PCSK2: variants seen among roughly 807,000 people sequenced by gnomAD.
PCSK2 encodes neuroendocrine convertase 2.
In PCSK2, 14 loss-of-function variants were observed where a neutral mutation model predicts 69.7. That is an observed-to-expected ratio of 0.20 (90% CI 0.13 to 0.31). The LOEUF is 0.31. Among genes scored for constraint, PCSK2 ranks in the 10% least tolerant of loss-of-function variants. The pLI is 1.00. For missense variants in PCSK2, 544 were observed against 842.5 expected (o/e 0.65, Z 4.39); for synonymous variants, 307 against 320.7 (o/e 0.96, Z 0.46).
At chr20:17,397,518 C>T (rs1192281871) in intron 5 of PCSK2, among the ~76,000 whole-genome samples, 3 of 151,216 alleles carry the variant, frequency 2.0e-5, no homozygotes, top group Non-Finnish European at 2.9e-5. Context: ...CTCACTCTGT[C>T]GCCCAGGCTG....
intron 2 of PCSK2, among the ~76,000 whole-genome samples, chr20:17,339,835 C>T (rs1011054690): frequency 1.3e-5 from 2 of 152,186 alleles, no homozygotes; most frequent in African/African-American, 2.4e-5. Flanking sequence ...AGAGTGGCCT[C>T]CTAACTATGC....
chr20:17,423,390 A>G (rs2123327560), intron 6 of PCSK2, among the ~76,000 whole-genome samples: 1 of 152,182 alleles, frequency 6.6e-6, no homozygotes, highest in African/African-American at 2.4e-5. Context: ...GTTTGTGGAG[A>G]CCAGGGTTCT....
rs1469383912 is a variant in PCSK2 at position 17,482,880 on chromosome 20, A to G, written c.*810A>G. 3 of 152,290 alleles carry G rather than the reference A, an allele frequency of 2.0e-5. No homozygotes were observed. The highest frequency in any genetic ancestry group is 2.0e-4 in the Admixed American group (3 of 15,286). 9.4% of individuals were successfully genotyped at this position (152,290 alleles called of 1,614,324 possible). ...GCCCCAATTTTCTGGGGCTCCTCAC[A>G]TAGCTACCCAAAAGAGAAAAAAAAT... On this transcript the variant is annotated 3_prime_UTR_variant, in exon 12 of 12. Transcript: ENST00000262545.
intron 6 of PCSK2, among the ~76,000 whole-genome samples, chr20:17,422,060 G>A (rs961501173): frequency 3.3e-5 from 5 of 152,040 alleles, no homozygotes; most frequent in Admixed American, 6.6e-5. Context: ...ACTAAATGAT[G>A]GTGGAAACAT....
rs541576384 is a variant in PCSK2, at chr20:17,322,624, A to T, written c.283-35703A>T. ...CTGGAGGCTGGTAGGTCTAAGATCA[A>T]GGCCAAGGCCAGCAGTTATGGGGTC... On this transcript the variant is annotated intron_variant, in intron 2 of 11. Coordinates refer to ENST00000262545, the MANE Select transcript of PCSK2 (RefSeq NM_002594.5). 1.3e-4 allele frequency among the ~76,000 whole-genome samples: 20 copies of T among 152,332 alleles called. No homozygotes were observed. The East Asian group carries it at 3.7e-3, about 28-fold the overall frequency.
intron 11 of PCSK2, among the ~76,000 whole-genome samples, chr20:17,473,969 A>G (rs2033248062): frequency 6.6e-6 from 1 of 152,196 alleles, no homozygotes; most frequent in Non-Finnish European, 1.5e-5. Flanking sequence ...GGTGCTAAAA[A>G]AGCCAGACTC....
chr20:17,326,520 A>G (rs1376338711), intron 2 of PCSK2, among the ~76,000 whole-genome samples: 2 of 152,216 alleles, frequency 1.3e-5, no homozygotes, highest in African/African-American at 2.4e-5. Context: ...AGTTGTGAGA[A>G]ATGTACCATA....
intron 2 of PCSK2, among the ~76,000 whole-genome samples, chr20:17,267,431 C>T (rs1052002773): frequency 4.6e-5 from 7 of 152,252 alleles, no homozygotes; most frequent in East Asian, 1.9e-4. Context: ...GATGCCCCAA[C>T]CTGTGGGAAA....
rs1300576104 is a variant in PCSK2 at position 17,481,905 on chromosome 20, G to A, written c.1752G>A (p.Leu584=). The part of the protein sequence containing the change: ...FVGSAPQKGV[L]KEWTLMLHGT... ...GCAGCGCCCCGCAGAAGGGGGTGCT[G>A]AAGGAGTGGACCCTGATGCTGCATG... The change falls in exon 12 of 12, where the codon CTG becomes CTA. Residue 584 remains leucine, a synonymous_variant. Transcript: ENST00000262545. 2 of 1,613,862 alleles carry A rather than the reference G, an allele frequency of 1.2e-6. No individual in the cohort carries two copies. Among genetic ancestry groups the A allele is most frequent in the Non-Finnish European group, 1.7e-6 (2 of 1,180,034 alleles).
At chr20:17,439,091 A>T (rs1433514479) in intron 8 of PCSK2, among the ~76,000 whole-genome samples, 1 of 151,984 alleles carries the variant, frequency 6.6e-6, no homozygotes, top group East Asian at 1.9e-4. Flanking sequence ...CTTAGAACTA[A>T]GTGTGTGCCT....
chr20:17,390,195 C>G (rs2031337514), intron 5 of PCSK2, among the ~76,000 whole-genome samples: 1 of 152,086 alleles, frequency 6.6e-6, no homozygotes, highest in Non-Finnish European at 1.5e-5. Flanking sequence ...AGCTCTAAAG[C>G]CGGCAGAATT....
At chr20:17,229,642 C>T (rs1568562215) in intron 1 of PCSK2, among the ~76,000 whole-genome samples, 1 of 151,978 alleles carries the variant, frequency 6.6e-6, no homozygotes, top group Non-Finnish European at 1.5e-5. Context: ...AGACCTCTCT[C>T]CTTACTTCTC....
At chr20:17,249,957 A>T (rs1986913302) in intron 1 of PCSK2, among the ~76,000 whole-genome samples, 1 of 152,186 alleles carries the variant, frequency 6.6e-6, no homozygotes. Flanking sequence ...ATATCACTGA[A>T]CTATTCACTT....
intron 11 of PCSK2, among the ~76,000 whole-genome samples, chr20:17,474,974 A>G (rs1302174469): frequency 1.3e-5 from 2 of 152,066 alleles, no homozygotes; most frequent in African/African-American, 2.4e-5. Flanking sequence ...CCAGAGACAG[A>G]TAACACCTGT....
chr20:17,376,599 G>A (rs932049062), intron 5 of PCSK2, among the ~76,000 whole-genome samples: 6 of 151,946 alleles, frequency 3.9e-5, no homozygotes, highest in Non-Finnish European at 7.4e-5. Context: ...AAATCTTTAG[G>A]GATAAGCCTC....
chr20:17,271,960 A>G (rs1987886450), intron 2 of PCSK2, among the ~76,000 whole-genome samples: 1 of 152,116 alleles, frequency 6.6e-6, no homozygotes, highest in Non-Finnish European at 1.5e-5. Flanking sequence ...TTATTTGCCA[A>G]GGTAGTCCAC....
intron 6 of PCSK2, among the ~76,000 whole-genome samples, chr20:17,427,741 C>G (rs1030443): frequency 0.16 from 24,612 of 152,086 alleles, 2,274 homozygotes; most frequent in African/African-American, 0.25. Context: ...TGGCAGGTTG[C>G]TGGGGGCTGA....
intron 2 of PCSK2, among the ~76,000 whole-genome samples, chr20:17,339,842 A>G (rs1990459159): frequency 6.6e-6 from 1 of 152,186 alleles, no homozygotes. Context: ...CCTCCTAACT[A>G]TGCATAGACT....
intron 1 of PCSK2, among the ~76,000 whole-genome samples, chr20:17,238,870 A>G (rs1217847471): frequency 6.6e-6 from 1 of 152,196 alleles, no homozygotes; most frequent in East Asian, 1.9e-4. Flanking sequence ...TACTTCCTTG[A>G]CTACTCCCTT....
Sources: allele counts gnomAD v4.1 joint callset (sites outside exome capture counted in the v4.1 genomes callset), GRCh38; gene constraint gnomAD v4.1.1; transcripts MANE v1.5; gene names NCBI Gene and HGNC (gene_info 2026-07-23, HGNC 2026-07-21).